Variants in MAN1A1 observed in about 807,000 individuals in gnomAD.
MAN1A1 encodes mannosidase alpha class 1A member 1.
In MAN1A1, 29 loss-of-function variants were observed where a neutral mutation model predicts 70.8. The ratio of observed to expected loss-of-function variants is 0.41; its 90% CI spans 0.31 to 0.56. The LOEUF (loss-of-function observed/expected upper bound fraction) is 0.56, where lower values mean the gene tolerates loss of function less well. Ranked by LOEUF, MAN1A1 falls within the 20% of genes least tolerant of loss-of-function variation. The pLI, the probability that MAN1A1 is intolerant of heterozygous loss-of-function variation, is 0.29. For missense variants in MAN1A1, 747 were observed against 841.3 expected (o/e 0.89, Z 1.39); for synonymous variants, 349 against 330.1 (o/e 1.06, Z -0.62).
At chr6:119,272,643 A>G (rs1464030391) in intron 5 of MAN1A1, among the ~76,000 whole-genome samples, 1 of 152,164 alleles carries the variant, frequency 6.6e-6, no homozygotes, top group African/African-American at 2.4e-5. Context: ...TTGACTTCTA[A>G]ATGGTTAAGG....
intron 6 of MAN1A1, among the ~76,000 whole-genome samples, chr6:119,241,200 A>G: frequency 6.6e-6 from 1 of 152,222 alleles, no homozygotes; most frequent in East Asian, 1.9e-4. Context: ...CTGTTTGGGT[A>G]ATTACTGCTT....
chr6:119,203,403 G>A (rs919934425), intron 7 of MAN1A1, among the ~76,000 whole-genome samples: 2 of 152,110 alleles, frequency 1.3e-5, no homozygotes, highest in Admixed American at 6.5e-5. Context: ...CAATGCTACT[G>A]AGGCCAGAGG....
intron 8 of MAN1A1, among the ~76,000 whole-genome samples, chr6:119,196,962 A>G (rs1283492718): frequency 2.0e-5 from 3 of 152,178 alleles, no homozygotes; most frequent in African/African-American, 4.8e-5. Flanking sequence ...CCTTTCAGCC[A>G]CAACTGAGGA....
chr6:119,180,477 G>A, intron 11 of MAN1A1, 50 bp from the exon 12 acceptor site: 1 of 952,946 alleles, frequency 1.0e-6, no homozygotes, highest in Non-Finnish European at 1.7e-6. Flanking sequence ...TAAACTGATT[G>A]TCACTAATTT....
chr6:119,185,586 A>T (rs200378222), intron 11 of MAN1A1, among the ~76,000 whole-genome samples: 3 of 146,744 alleles, frequency 2.0e-5, no homozygotes, highest in Admixed American at 6.8e-5. Flanking sequence ...GTTTTTCTTT[A>T]TTTTTTTGGA....
chr6:119,257,711 G>C (rs2299878), intron 5 of MAN1A1, among the ~76,000 whole-genome samples: 47,965 of 151,886 alleles, frequency 0.32, 7,900 homozygotes, highest in East Asian at 0.56. Context: ...AGTTAAAAAA[G>C]GGAGAGGAAA....
At chr6:119,205,927 AG>A (rs1290193657) in intron 6 of MAN1A1, among the ~76,000 whole-genome samples, 6 of 152,252 alleles carry the variant, frequency 3.9e-5, no homozygotes, top group African/African-American at 1.4e-4. Context: ...ACAAGAACTA[AG>A]CATAAATAGT....
At chr6:119,298,177 C>T (rs1404305325) in intron 4 of MAN1A1, among the ~76,000 whole-genome samples, 1 of 152,172 alleles carries the variant, frequency 6.6e-6, no homozygotes, top group Non-Finnish European at 1.5e-5. Flanking sequence ...AAAATGCATT[C>T]ATGGAGTCAA....
intron 2 of MAN1A1, among the ~76,000 whole-genome samples, chr6:119,325,775 C>G (rs893038118): frequency 2.6e-5 from 4 of 152,110 alleles, no homozygotes; most frequent in African/African-American, 7.2e-5. Context: ...AAGGCTTCAA[C>G]AAAAGTCCTA....
intron 2 of MAN1A1, among the ~76,000 whole-genome samples, chr6:119,321,046 G>T (rs1182617386): frequency 6.6e-6 from 1 of 152,136 alleles, no homozygotes; most frequent in Non-Finnish European, 1.5e-5. Context: ...ATTTTACAGG[G>T]TATCATAGCT....
intron 2 of MAN1A1, among the ~76,000 whole-genome samples, chr6:119,338,232 A>C (rs1773512009): frequency 6.6e-6 from 1 of 152,190 alleles, no homozygotes; most frequent in East Asian, 1.9e-4. Context: ...GGCGCTTGGC[A>C]GACTTTTATG....
intron 5 of MAN1A1, among the ~76,000 whole-genome samples, chr6:119,271,460 T>C (rs1775921254): frequency 6.6e-6 from 1 of 152,068 alleles, no homozygotes; most frequent in Non-Finnish European, 1.5e-5. Flanking sequence ...TTAAGTTCAT[T>C]AGCTGGATGT....
chr6:119,193,682 A>G (rs1465153889), intron 9 of MAN1A1, 95 bp downstream of exon 9: 1 of 679,438 alleles, frequency 1.5e-6, no homozygotes, highest in East Asian at 2.8e-5. Context: ...TTTGTAACTC[A>G]CTCATGTAGT....
intron 5 of MAN1A1, among the ~76,000 whole-genome samples, chr6:119,276,154 T>A (rs1249765625): frequency 6.6e-6 from 1 of 152,204 alleles, no homozygotes; most frequent in Non-Finnish European, 1.5e-5. Context: ...CTTCCATGGT[T>A]GACCCTTCTA....
chr6:119,231,170 T>C (rs1774664411), intron 6 of MAN1A1, among the ~76,000 whole-genome samples: 1 of 152,150 alleles, frequency 6.6e-6, no homozygotes, highest in Non-Finnish European at 1.5e-5. Context: ...GGAAAAAGTA[T>C]GAAAAGCAGA....
chr6:119,200,723 C>T lies in MAN1A1; in HGVS notation c.1210+531G>A, dbSNP rs115637300. On this transcript the variant is annotated intron_variant, in intron 8 of 12. Coordinates refer to ENST00000368468, the MANE Select transcript of MAN1A1 (RefSeq NM_005907.4). Reference sequence around the variant, plus strand: ...ATCAAAAGTTCTTGTGCAATACTTTCTCCCATCCTAAAGGTAATTCTACTG... The same window carrying T: ...ATCAAAAGTTCTTGTGCAATACTTTTTCCCATCCTAAAGGTAATTCTACTG... Among the ~76,000 whole-genome samples the T allele has an allele frequency of 2.8e-3, 423 of 152,286 alleles. 4 individuals are homozygous for T. The highest frequency in any genetic ancestry group is 9.4e-3 in the African/African-American group (390 of 41,564).
intron 6 of MAN1A1, among the ~76,000 whole-genome samples, chr6:119,209,071 A>C (rs1307868303): frequency 1.4e-5 from 2 of 139,076 alleles, no homozygotes; most frequent in East Asian, 4.4e-4. Flanking sequence ...AGCCAGGGTG[A>C]TAGAGTAAGA....
intron 4 of MAN1A1, among the ~76,000 whole-genome samples, chr6:119,295,628 C>G (rs1042097440): frequency 2.0e-5 from 3 of 152,032 alleles, no homozygotes; most frequent in Admixed American, 2.0e-4. Flanking sequence ...AAATTCTATT[C>G]TGAGTGTTTG....
chr6:119,191,016 T>C (rs1012132472), intron 9 of MAN1A1, among the ~76,000 whole-genome samples: 1 of 152,094 alleles, frequency 6.6e-6, no homozygotes, highest in Admixed American at 6.6e-5. Context: ...AAACTTGTGA[T>C]AGAGAAGAAT....
Sources: gnomAD v4.1 joint callset for allele counts (sites outside exome capture counted in the v4.1 genomes callset) on GRCh38, gnomAD v4.1.1 for gene constraint, MANE v1.5 for transcripts, NCBI Gene and HGNC (gene_info 2026-07-23, HGNC 2026-07-21) for gene names.